GPR137B: variants seen among roughly 807,000 people sequenced by gnomAD.
GPR137B encodes the protein integral membrane protein GPR137B.
In GPR137B, 42 loss-of-function variants were observed where a neutral mutation model predicts 42.5. The ratio of observed to expected loss-of-function variants is 0.99; its 90% CI spans 0.77 to 1.28. The LOEUF is 1.28. Among genes scored for constraint, GPR137B ranks in the 50% most tolerant of loss-of-function variants. The probability of loss-of-function intolerance (pLI) is 0.00; values close to 1 mark genes in which losing one functional copy is unlikely to be tolerated. For synonymous variants in GPR137B, 218 were observed against 209.7 expected (o/e 1.04, Z -0.34); for missense variants, 487 against 493.9 (o/e 0.99, Z 0.13).
intron 3 of GPR137B, 61 bp downstream of exon 3, chr1:236,178,697 T>A: frequency 1.9e-6 from 2 of 1,074,298 alleles, no homozygotes; most frequent in Non-Finnish European, 2.8e-6. Context: ...AGTTTCCTGG[T>A]TTGCAAAAGT....
intron 1 of GPR137B, among the ~76,000 whole-genome samples, chr1:236,168,481 T>C (rs1444122325): frequency 6.6e-6 from 1 of 151,026 alleles, no homozygotes; most frequent in Non-Finnish European, 1.5e-5. Context: ...AGACTAGTAA[T>C]ACATTTAGTT....
chr1:236,175,147 G>A (rs1662648300), intron 2 of GPR137B, among the ~76,000 whole-genome samples: 1 of 152,184 alleles, frequency 6.6e-6, no homozygotes, highest in African/African-American at 2.4e-5. Context: ...AGCCATGATT[G>A]TGCCACTGCA....
intron 1 of GPR137B, among the ~76,000 whole-genome samples, chr1:236,154,513 G>A (rs1187457163): frequency 3.6e-4 from 55 of 151,748 alleles, no homozygotes; most frequent in Admixed American, 3.4e-3. Flanking sequence ...AGTGTCAGGA[G>A]CAGACCAAGT....
intron 2 of GPR137B, among the ~76,000 whole-genome samples, chr1:236,172,775 C>T (rs991772292): frequency 1.3e-5 from 2 of 151,366 alleles, no homozygotes; most frequent in Non-Finnish European, 2.9e-5. Flanking sequence ...GCTTTAATCT[C>T]CTGGGCTCAA....
chr1:236,172,680 G>A (rs1400375526), intron 2 of GPR137B, among the ~76,000 whole-genome samples: 1 of 150,770 alleles, frequency 6.6e-6, no homozygotes, highest in African/African-American at 2.4e-5. Flanking sequence ...CAGTGAGCCA[G>A]GTTTTCCTTT....
intron 6 of GPR137B, among the ~76,000 whole-genome samples, chr1:236,206,829 G>GAGGCCAGCA (rs59223009): frequency 0.41 from 61,842 of 151,634 alleles, 14,309 homozygotes; most frequent in East Asian, 0.64. Flanking sequence ...CTGAGACGGT[G>GAGGCCAGCA]AGGCCAGCAG....
Position 236,205,246 on chromosome 1 carries a change from G to T in GPR137B, c.1087G>T (p.Gly363Ter), listed in dbSNP as rs771127296. 1 of 1,612,954 alleles carries T rather than the reference G, an allele frequency of 6.2e-7. No individual in the cohort carries two copies. The highest frequency in any genetic ancestry group is 8.5e-7 in the Non-Finnish European group (1 of 1,179,120). ...GAACATTGCCCCTCAGGGACTTCAG[G>T]GAGGGTAAGACCCTACTTCATGTTA... ...AWNIAPQGLQ[G>*]GFAPDYYDWG... Residue 363 changes from glycine (G) to a stop codon, truncating the protein, a stop_gained, in exon 6 of 7, where the codon GGA becomes TGA. Transcript: ENST00000366592. LOFTEE classifies it high-confidence loss of function.
At position 236,183,867 on chromosome 1, in the gene GPR137B, C is replaced by G. The variant is rs1194650919; in HGVS notation, c.927C>G (p.Val309=). 6.2e-7 allele frequency: 1 copy of G among 1,607,686 alleles called. No homozygotes were observed. The highest frequency in any genetic ancestry group is 8.5e-7 in the Non-Finnish European group (1 of 1,174,470). ...FVWELLPTTL[V]VYFFRVRNPT... ...GGGAACTCTTACCTACCACCTTAGT[C>G]GTTTATTTCTTCCGAGTTAGAAATC... Residue 309 remains valine (V), a synonymous_variant, in exon 5 of 7, where the codon GTC becomes GTG. Coordinates refer to ENST00000366592, the MANE Select transcript of GPR137B (RefSeq NM_003272.4).
At chr1:236,176,268 A>G (rs1662681748) in intron 2 of GPR137B, among the ~76,000 whole-genome samples, 1 of 152,138 alleles carries the variant, frequency 6.6e-6, no homozygotes, top group East Asian at 1.9e-4. Context: ...TGAGTGTATC[A>G]TGACACATGA....
Position 236,155,993 on chromosome 1 carries a change from A to G in GPR137B, c.415-12713A>G, listed in dbSNP as rs553150431. On this transcript the variant is annotated intron_variant, in intron 1 of 6. Coordinates refer to ENST00000366592, the MANE Select transcript of GPR137B (RefSeq NM_003272.4). The surrounding 1 kb of genome is among the most constrained non-coding windows in gnomAD (Gnocchi z 4.6). ...CATGCACACACACGCGCGCGCGCAA[A>G]CACACATGCATACACCTGAGGAAGG... Among the ~76,000 whole-genome samples, 1 of 152,314 alleles carries G rather than the reference A, an allele frequency of 6.6e-6. No individual in the cohort carries two copies. Among genetic ancestry groups the G allele is most frequent in the South Asian group, 2.1e-4 (1 of 4,830 alleles).
At chr1:236,172,990 C>G (rs1017862822) in intron 2 of GPR137B, among the ~76,000 whole-genome samples, 1 of 151,480 alleles carries the variant, frequency 6.6e-6, no homozygotes, top group Admixed American at 6.6e-5. Flanking sequence ...CCATGCCTGG[C>G]ATGCTTTTCC....
intron 5 of GPR137B, among the ~76,000 whole-genome samples, chr1:236,195,592 A>G (rs1206504041): frequency 1.3e-5 from 2 of 152,194 alleles, no homozygotes; most frequent in South Asian, 4.1e-4. Context: ...TCTCTTCAAT[A>G]TCCTGATTTC....
chr1:236,205,340 T>C, intron 6 of GPR137B, 90 bp downstream of exon 6: 1 of 1,144,866 alleles, frequency 8.7e-7, no homozygotes, highest in Non-Finnish European at 1.3e-6. Flanking sequence ...AATTCCTACG[T>C]TAAAACTGTG....
chr1:236,157,645 A>AG (rs2102896120), intron 1 of GPR137B, among the ~76,000 whole-genome samples: 1 of 152,334 alleles, frequency 6.6e-6, no homozygotes, highest in East Asian at 1.9e-4. Context: ...AGGACCCCCA[A>AG]GTATGCTCAG....
chr1:236,146,318 C>G (rs1469817858), intron 1 of GPR137B, among the ~76,000 whole-genome samples: 2 of 152,104 alleles, frequency 1.3e-5, no homozygotes, highest in African/African-American at 4.8e-5. Context: ...CGTCAGGAGA[C>G]TTGAATGAGA....
rs1413775774 is a variant in GPR137B at position 236,171,029 on chromosome 1, G to T, written c.464+2274G>T. 6.6e-6 allele frequency among the ~76,000 whole-genome samples: 1 copy of T among 151,918 alleles called. No individual in the cohort carries two copies. The highest frequency in any genetic ancestry group is 1.5e-5 in the Non-Finnish European group (1 of 67,994). ...TTGTATACATAATGAGAGATGGGGGGATTGGATGGGACACAAATCTAACAC... is the reference window on the plus strand; with the variant it reads ...TTGTATACATAATGAGAGATGGGGGTATTGGATGGGACACAAATCTAACAC... On this transcript the variant is annotated intron_variant, in intron 2 of 6. Coordinates refer to ENST00000366592, the MANE Select transcript of GPR137B (RefSeq NM_003272.4). The surrounding 1 kb of genome is among the most constrained non-coding windows in gnomAD (Gnocchi z 4.4).
At chr1:236,207,878 A>T (rs1488554403) in intron 6 of GPR137B, among the ~76,000 whole-genome samples, 172 bp from the exon 7 acceptor site, 1 of 152,120 alleles carries the variant, frequency 6.6e-6, no homozygotes, top group Non-Finnish European at 1.5e-5. Context: ...TGGGCATTTC[A>T]GCCCTGTGTG....
intron 1 of GPR137B, among the ~76,000 whole-genome samples, chr1:236,166,213 T>C (rs7537965): frequency 0.13 from 19,564 of 152,102 alleles, 3,261 homozygotes; most frequent in African/African-American, 0.38. Flanking sequence ...TTCTGTGTTG[T>C]GTGAAATCAG....
At chr1:236,175,119 G>A (rs1300579012) in intron 2 of GPR137B, among the ~76,000 whole-genome samples, 25 of 152,188 alleles carry the variant, frequency 1.6e-4, no homozygotes, top group Admixed American at 1.6e-3. Context: ...TTGAGGTCAG[G>A]AGTTCGAGGC....
Sources: gnomAD v4.1 joint callset for allele counts (sites outside exome capture counted in the v4.1 genomes callset) on GRCh38, gnomAD v4.1.1 for gene constraint, Gnocchi (gnomAD v3.1) non-coding constraint, MANE v1.5 for transcripts, NCBI Gene and HGNC (gene_info 2026-07-23, HGNC 2026-07-21) for gene names.